The following PXDNL variants were observed in gnomAD, a reference collection of about 807,000 sequenced individuals.
PXDNL encodes peroxidasin like.
A neutral mutation model predicts 150.8 loss-of-function variants in PXDNL; 145 were observed. The ratio of observed to expected loss-of-function variants is 0.96; its 90% confidence interval spans 0.84 to 1.10. The LOEUF is 1.10. Ranked by LOEUF, PXDNL falls within the 50% of genes least tolerant of loss-of-function variation. The probability of loss-of-function intolerance (pLI) is 0.00; values close to 1 mark genes in which losing one functional copy is unlikely to be tolerated. For synonymous variants in PXDNL, 757 were observed against 725.7 expected (o/e 1.04, Z -0.69); for missense variants, 2,087 against 1,873.9 (o/e 1.11, Z -2.10).
intron 4 of PXDNL, among the ~76,000 whole-genome samples, chr8:51,509,640 T>G (rs1811367061): frequency 1.3e-5 from 2 of 151,800 alleles, no homozygotes; most frequent in South Asian, 4.2e-4. Context: ...TGAGCCCAAC[T>G]GTGACCCTTC....
intron 3 of PXDNL, among the ~76,000 whole-genome samples, chr8:51,591,688 G>A (rs1048022235): frequency 6.6e-6 from 1 of 151,386 alleles, no homozygotes; most frequent in South Asian, 2.1e-4. Context: ...GCGCCATCTC[G>A]GCTCACTGCA....
intron 1 of PXDNL, among the ~76,000 whole-genome samples, chr8:51,774,164 A>G (rs1189326150): frequency 1.3e-5 from 2 of 152,182 alleles, no homozygotes; most frequent in East Asian, 3.8e-4. Flanking sequence ...GAATTCTTTC[A>G]TTTTATAATA....
intron 1 of PXDNL, among the ~76,000 whole-genome samples, chr8:51,726,249 C>T (rs918146733): frequency 2.6e-5 from 4 of 152,188 alleles, no homozygotes; most frequent in Admixed American, 1.3e-4. Context: ...ACCTCTGGCG[C>T]CCCAGGTAGA....
At chr8:51,600,238 G>C (rs1429670692) in intron 2 of PXDNL, among the ~76,000 whole-genome samples, 4 of 135,390 alleles carry the variant, frequency 3.0e-5, no homozygotes, top group Non-Finnish European at 6.2e-5. Context: ...ATATCGTTTA[G>C]ATAATAAATT....
intron 1 of PXDNL, among the ~76,000 whole-genome samples, chr8:51,777,916 A>G (rs545516675): frequency 8.7e-4 from 132 of 152,184 alleles, no homozygotes; most frequent in African/African-American, 3.0e-3. Flanking sequence ...AAACAAAACA[A>G]AACAACAACA....
In PXDNL at chr8:51,409,574, C is replaced by T. The variant is rs758775492; in HGVS notation, c.2063-13G>A. ...TTGTACCGGAATTCTGAAAGGCAAGCGGCGAAAGCCGTGAGGAGGGCGGGC... is the reference window on the plus strand; with the variant it reads ...TTGTACCGGAATTCTGAAAGGCAAGTGGCGAAAGCCGTGAGGAGGGCGGGC... On this transcript the variant is annotated splice_polypyrimidine_tract_variant and intron_variant, in intron 16 of 22. Coordinates refer to ENST00000356297, the MANE Select transcript of PXDNL (RefSeq NM_144651.5). 23 of 1,538,728 alleles carry T rather than the reference C, an allele frequency of 1.5e-5. No homozygotes were observed. In the Middle Eastern group the frequency reaches 5.2e-4, roughly 35 times the overall value.
intron 3 of PXDNL, among the ~76,000 whole-genome samples, chr8:51,559,062 G>T (rs552863700): frequency 6.6e-6 from 1 of 151,884 alleles, no homozygotes; most frequent in Non-Finnish European, 1.5e-5. Context: ...TGTGGAAACC[G>T]CATTCTTTGG....
At chr8:51,694,184 C>T (rs967398165) in intron 1 of PXDNL, among the ~76,000 whole-genome samples, 1 of 152,034 alleles carries the variant, frequency 6.6e-6, no homozygotes, top group African/African-American at 2.4e-5. Flanking sequence ...ATGGTGAAAC[C>T]CTGTTTCTGC....
intron 1 of PXDNL, among the ~76,000 whole-genome samples, chr8:51,656,029 A>G (rs1815143154): frequency 6.6e-6 from 1 of 152,236 alleles, no homozygotes; most frequent in Non-Finnish European, 1.5e-5. Flanking sequence ...TATAGAAGAA[A>G]GATGAAGTTA....
chr8:51,700,693 C>A (rs1192153676), intron 1 of PXDNL, among the ~76,000 whole-genome samples: 3 of 151,782 alleles, frequency 2.0e-5, no homozygotes, highest in Admixed American at 2.0e-4. Context: ...CATGCATACA[C>A]ATACACACAG....
At chr8:51,435,320 C>CA (rs1487186920) in intron 12 of PXDNL, among the ~76,000 whole-genome samples, 1 of 149,712 alleles carries the variant, frequency 6.7e-6, no homozygotes, top group Non-Finnish European at 1.5e-5. Context: ...GACTCTGTCT[C>CA]AAAAAACTAA....
At chr8:51,674,850 T>G (rs1815575871) in intron 1 of PXDNL, among the ~76,000 whole-genome samples, 1 of 152,244 alleles carries the variant, frequency 6.6e-6, no homozygotes, top group African/African-American at 2.4e-5. Flanking sequence ...AAGCCCAGTT[T>G]CAGGTCCAGA....
At chr8:51,410,937 A>C (rs1452357038) in intron 16 of PXDNL, among the ~76,000 whole-genome samples, 1 of 152,204 alleles carries the variant, frequency 6.6e-6, no homozygotes, top group Non-Finnish European at 1.5e-5. Flanking sequence ...CCTGGTAATA[A>C]AGCATTTCTC....
intron 2 of PXDNL, among the ~76,000 whole-genome samples, chr8:51,631,271 A>AGC (rs1240739862): frequency 5.3e-5 from 8 of 151,782 alleles, no homozygotes; most frequent in Non-Finnish European, 1.0e-4. Flanking sequence ...CAGACACCAG[A>AGC]GCCTACTTAG....
chr8:51,325,477 C>G (rs1805453653), intron 21 of PXDNL, among the ~76,000 whole-genome samples: 1 of 152,160 alleles, frequency 6.6e-6, no homozygotes, highest in Non-Finnish European at 1.5e-5. Context: ...GGGGTTCTGG[C>G]TCCCTGTCAG....
intron 6 of PXDNL, among the ~76,000 whole-genome samples, chr8:51,477,794 T>C (rs890269243): frequency 1.6e-4 from 24 of 152,176 alleles, no homozygotes; most frequent in African/African-American, 5.5e-4. Context: ...TGCTTGCTCA[T>C]CACCTTCCCT....
At chr8:51,399,656 T>C (rs1808188805) in intron 17 of PXDNL, among the ~76,000 whole-genome samples, 1 of 152,180 alleles carries the variant, frequency 6.6e-6, no homozygotes, top group South Asian at 2.1e-4. Context: ...GGGGTAATGA[T>C]TACAGAGGTA....
At chr8:51,799,949 T>C (rs1470581242) in intron 1 of PXDNL, among the ~76,000 whole-genome samples, 2 of 152,158 alleles carry the variant, frequency 1.3e-5, no homozygotes, top group African/African-American at 4.8e-5. Context: ...TCTAATTCTC[T>C]TTTCTCCCTT....
intron 17 of PXDNL, among the ~76,000 whole-genome samples, chr8:51,401,392 G>A (rs890439406): frequency 2.0e-5 from 3 of 152,174 alleles, no homozygotes; most frequent in African/African-American, 7.2e-5. Flanking sequence ...AGGGAGAAGG[G>A]AATAAAACGC....
Sources: gnomAD v4.1 joint callset for allele counts (sites outside exome capture counted in the v4.1 genomes callset) on GRCh38, gnomAD v4.1.1 for gene constraint, MANE v1.5 for transcripts, NCBI Gene and HGNC (gene_info 2026-07-23, HGNC 2026-07-21) for gene names.